NKAIN2: variants seen among roughly 807,000 people sequenced by gnomAD.
NKAIN2 encodes the protein sodium/potassium-transporting ATPase subunit beta-1-interacting protein 2.
In NKAIN2, 14 loss-of-function variants were observed where a neutral mutation model predicts 32.6. The ratio of observed to expected loss-of-function variants is 0.43; its 90% CI spans 0.28 to 0.67. The LOEUF (loss-of-function observed/expected upper bound fraction) is 0.67, where lower values mean the gene tolerates loss of function less well. NKAIN2 is among the 30% of genes least tolerant of loss of function. The pLI, the probability that NKAIN2 is intolerant of heterozygous loss-of-function variation, is 0.17. For synonymous variants in NKAIN2, 80 were observed against 87.2 expected (o/e 0.92, Z 0.46); for missense variants, 198 against 258.3 (o/e 0.77, Z 1.60).
intron 3 of NKAIN2, among the ~76,000 whole-genome samples, chr6:124,394,489 AGATAGATAGATAGATAGATT>A (rs1357585719): frequency 1.3e-5 from 2 of 151,564 alleles, no homozygotes; most frequent in Admixed American, 6.6e-5. Flanking sequence ...ATAGATAGAT[AGATAGATAGATAGATAGATT>A]AGATAGATAC....
intron 4 of NKAIN2, among the ~76,000 whole-genome samples, chr6:124,732,893 T>C (rs1196551326): frequency 6.6e-6 from 1 of 152,062 alleles, no homozygotes; most frequent in African/African-American, 2.4e-5. Context: ...TATGTCTTGT[T>C]CTTAATTGCC....
intron 1 of NKAIN2, among the ~76,000 whole-genome samples, chr6:124,218,945 C>T (rs1013655084): frequency 6.6e-6 from 1 of 152,172 alleles, no homozygotes; most frequent in African/African-American, 2.4e-5. Context: ...AAGTTACAAC[C>T]ATGGCAGAAG....
At chr6:124,557,175 T>C (rs759482613) in intron 3 of NKAIN2, among the ~76,000 whole-genome samples, 1 of 152,318 alleles carries the variant, frequency 6.6e-6, no homozygotes, top group South Asian at 2.1e-4. Flanking sequence ...TATTATGATA[T>C]TATAGATTGT....
intron 3 of NKAIN2, among the ~76,000 whole-genome samples, chr6:124,639,474 A>G (rs1583565889): frequency 6.6e-6 from 1 of 152,204 alleles, no homozygotes; most frequent in East Asian, 1.9e-4. Flanking sequence ...TCTCTGCTAA[A>G]CATACAAAAA....
rs564103208 is a variant in NKAIN2 at position 124,658,406 on chromosome 6, C to A, written c.474+20C>A. The A allele has an allele frequency of 6.2e-7, 1 of 1,613,946 alleles. No individual in the cohort carries two copies. The highest frequency in any genetic ancestry group is 2.2e-5 in the East Asian group (1 of 44,872). Reference sequence around the variant, plus strand: ...CTCGCAGTAAGTGTTGGCAGCCAACCGCTCCTTCTAGTGCCTCTGGGGTTG... The same window carrying A: ...CTCGCAGTAAGTGTTGGCAGCCAACAGCTCCTTCTAGTGCCTCTGGGGTTG... On this transcript the variant is annotated intron_variant, in intron 4 of 6. Transcript: ENST00000368417.
At chr6:124,147,608 CA>C (rs1236550966) in intron 1 of NKAIN2, among the ~76,000 whole-genome samples, 37 of 149,376 alleles carry the variant, frequency 2.5e-4, no homozygotes, top group Non-Finnish European at 4.8e-4. Flanking sequence ...ATGTCTTCAA[CA>C]AAAAAAAAGC....
intron 2 of NKAIN2, among the ~76,000 whole-genome samples, chr6:124,335,235 C>T (rs189214240): frequency 1.6e-4 from 24 of 152,240 alleles, no homozygotes; most frequent in Non-Finnish European, 2.9e-4. Flanking sequence ...TGTTATGACT[C>T]AGCCTACACT....
chr6:123,864,763 A>G (rs955915366), intron 1 of NKAIN2, among the ~76,000 whole-genome samples: 8 of 152,206 alleles, frequency 5.3e-5, no homozygotes, highest in Admixed American at 1.3e-4. Flanking sequence ...AATTCAATAA[A>G]TTGAGTGTAA....
At chr6:123,833,561 G>A (rs1774473851) in intron 1 of NKAIN2, among the ~76,000 whole-genome samples, 1 of 152,036 alleles carries the variant, frequency 6.6e-6, no homozygotes, top group Non-Finnish European at 1.5e-5. Context: ...TTCATGAAAA[G>A]TATTTTTCAA....
chr6:124,000,391 A>G (rs1422993671), intron 1 of NKAIN2, among the ~76,000 whole-genome samples: 1 of 152,096 alleles, frequency 6.6e-6, no homozygotes, highest in Non-Finnish European at 1.5e-5. Context: ...CTTGGAAGCC[A>G]CTAGCTTTTA....
chr6:124,205,463 A>G (rs1273022944), intron 1 of NKAIN2, among the ~76,000 whole-genome samples: 1 of 151,602 alleles, frequency 6.6e-6, no homozygotes, highest in Non-Finnish European at 1.5e-5. Flanking sequence ...CTTTTACTCT[A>G]CTGGTACCTG....
chr6:124,684,043 A>T (rs1356030630), intron 4 of NKAIN2, among the ~76,000 whole-genome samples: 1 of 152,188 alleles, frequency 6.6e-6, no homozygotes, highest in Non-Finnish European at 1.5e-5. Context: ...CATAAAATTA[A>T]TTCTTTCTTG....
intron 5 of NKAIN2, among the ~76,000 whole-genome samples, chr6:124,814,203 G>A (rs570611894): frequency 1.3e-5 from 2 of 152,258 alleles, no homozygotes; most frequent in African/African-American, 4.8e-5. Context: ...TGTAATGGTT[G>A]GTTGGATCCA....
chr6:123,842,186 C>T (rs527695472), intron 1 of NKAIN2, among the ~76,000 whole-genome samples: 5 of 152,182 alleles, frequency 3.3e-5, no homozygotes, highest in South Asian at 2.1e-4. Context: ...ATTTGTGGCA[C>T]GTATTAGTCT....
intron 1 of NKAIN2, among the ~76,000 whole-genome samples, chr6:123,983,547 A>G (rs914525706): frequency 6.6e-6 from 1 of 152,146 alleles, no homozygotes; most frequent in African/African-American, 2.4e-5. Flanking sequence ...ATATCTGTTG[A>G]CATTTTCCAT....
chr6:124,474,430 C>T (rs1432845289), intron 3 of NKAIN2, among the ~76,000 whole-genome samples: 1 of 152,074 alleles, frequency 6.6e-6, no homozygotes, highest in African/African-American at 2.4e-5. Flanking sequence ...TAATATGTCT[C>T]ATTTGGAAGA....
At chr6:124,077,987 G>A (rs946520261) in intron 1 of NKAIN2, among the ~76,000 whole-genome samples, 1 of 152,040 alleles carries the variant, frequency 6.6e-6, no homozygotes, top group African/African-American at 2.4e-5. Context: ...CATTGAGGCT[G>A]ATTTTTCTTT....
chr6:124,800,162 A>T (rs987194677), intron 5 of NKAIN2, among the ~76,000 whole-genome samples: 1 of 152,200 alleles, frequency 6.6e-6, no homozygotes, highest in African/African-American at 2.4e-5. Flanking sequence ...CTCTTGACGA[A>T]TGATGCTGGC....
At chr6:124,221,552 A>G (rs1391767424) in intron 1 of NKAIN2, among the ~76,000 whole-genome samples, 2 of 152,148 alleles carry the variant, frequency 1.3e-5, no homozygotes, top group Non-Finnish European at 2.9e-5. Flanking sequence ...AACTTAAAGT[A>G]TAATAATAAG....
Sources: allele counts gnomAD v4.1 joint callset (sites outside exome capture counted in the v4.1 genomes callset), GRCh38; gene constraint gnomAD v4.1.1; transcripts MANE v1.5; gene names NCBI Gene and HGNC (gene_info 2026-07-23, HGNC 2026-07-21).